The following G2E3 variants were observed in gnomAD, a reference collection of about 807,000 sequenced individuals.
G2E3 encodes the protein G2/M phase-specific E3 ubiquitin-protein ligase.
Under a neutral mutation model 92.8 loss-of-function variants are expected in G2E3, and 35 were observed. The ratio of observed to expected loss-of-function variants is 0.38; its 90% CI spans 0.29 to 0.50. The LOEUF (loss-of-function observed/expected upper bound fraction) is 0.50, where lower values mean the gene tolerates loss of function less well. G2E3 is among the 20% of genes least tolerant of loss of function. The pLI, the probability that G2E3 is intolerant of heterozygous loss-of-function variation, is 0.94. For synonymous variants in G2E3, 242 were observed against 272.4 expected, an observed-to-expected ratio of 0.89 and a Z score of 1.10; for missense variants, 554 against 823.8, an observed-to-expected ratio of 0.67 and a Z score of 4.01.
intron 1 of G2E3, among the ~76,000 whole-genome samples, chr14:30,573,348 T>C (rs1474904782): frequency 1.3e-5 from 2 of 152,180 alleles, no homozygotes; most frequent in Non-Finnish European, 2.9e-5. Flanking sequence ...ATTAACTATC[T>C]ATCCCGAGGT....
intron 10 of G2E3, 98 bp from the exon 11 acceptor site, chr14:30,605,407 T>C (rs991447867): frequency 1.7e-5 from 8 of 476,880 alleles, no homozygotes; most frequent in Non-Finnish European, 2.9e-5. Flanking sequence ...CCTATTAATC[T>C]TTTTTTCCCC....
chr14:30,597,328 ATTG>A, intron 6 of G2E3, 89 bp from the exon 7 acceptor site: 1 of 744,332 alleles, frequency 1.3e-6, no homozygotes, highest in Non-Finnish European at 2.4e-6. Flanking sequence ...TTCATAATAT[ATTG>A]TTAAAAATAG....
chr14:30,598,255 A>G, intron 7 of G2E3: 1 of 375,382 alleles, frequency 2.7e-6, no homozygotes, highest in Admixed American at 3.8e-5. Flanking sequence ...GCATGGTGGC[A>G]GGCCCCTGTA....
At chr14:30,589,777 C>T (rs2138844625) in intron 4 of G2E3, among the ~76,000 whole-genome samples, 1 of 152,156 alleles carries the variant, frequency 6.6e-6, no homozygotes, top group East Asian at 1.9e-4. Context: ...TCAATCTTCT[C>T]TGACCATCAG....
At chr14:30,586,159 C>T (rs2138834160) in intron 2 of G2E3, among the ~76,000 whole-genome samples, 1 of 152,268 alleles carries the variant, frequency 6.6e-6, no homozygotes, top group African/African-American at 2.4e-5. Flanking sequence ...CTGAGCTCAT[C>T]CCTCAGGGAG....
chr14:30,610,464 A>T (rs2138910054), intron 12 of G2E3, among the ~76,000 whole-genome samples: 1 of 152,220 alleles, frequency 6.6e-6, no homozygotes, highest in South Asian at 2.1e-4. Context: ...AAATACAAAA[A>T]AATTAGCCAG....
chr14:30,608,674 A>C (rs1881943872), intron 12 of G2E3, among the ~76,000 whole-genome samples: 2 of 152,248 alleles, frequency 1.3e-5, no homozygotes, highest in African/African-American at 4.8e-5. Flanking sequence ...CATTTATCAT[A>C]ATGCCATATA....
intron 1 of G2E3, among the ~76,000 whole-genome samples, chr14:30,563,850 G>A (rs1594457017): frequency 6.6e-6 from 1 of 151,938 alleles, no homozygotes; most frequent in African/African-American, 2.4e-5. Context: ...CTCCTGAGTA[G>A]CTGGATTACA....
intron 1 of G2E3, among the ~76,000 whole-genome samples, chr14:30,568,657 G>A (rs1435599383): frequency 1.3e-5 from 2 of 151,940 alleles, no homozygotes; most frequent in Admixed American, 6.6e-5. Context: ...AGCTTTCATA[G>A]TATACAAAAA....
intron 2 of G2E3, among the ~76,000 whole-genome samples, chr14:30,584,511 G>T (rs1880600736): frequency 6.6e-6 from 1 of 152,124 alleles, no homozygotes; most frequent in Non-Finnish European, 1.5e-5. Context: ...TGATGGTTTT[G>T]ATTTTTTCCA....
intron 8 of G2E3, among the ~76,000 whole-genome samples, chr14:30,599,344 C>A (rs1881449185): frequency 6.6e-6 from 1 of 152,204 alleles, no homozygotes; most frequent in Non-Finnish European, 1.5e-5. Context: ...TCTCCTGCCT[C>A]AGCCTCCCGA....
intron 2 of G2E3, among the ~76,000 whole-genome samples, chr14:30,584,292 T>C (rs1880590401): frequency 1.3e-5 from 2 of 152,254 alleles, no homozygotes; most frequent in African/African-American, 2.4e-5. Context: ...TGATGGACAT[T>C]TGGCTTGTTT....
chr14:30,598,693 C>G (rs1881411074), intron 8 of G2E3, 94 bp downstream of exon 8: 6 of 842,376 alleles, frequency 7.1e-6, no homozygotes, highest in African/African-American at 5.0e-5. Context: ...TAGTTTTTCT[C>G]TTAGGATGTT....
At chr14:30,584,187 CT>C in intron 2 of G2E3, among the ~76,000 whole-genome samples, 1 of 152,324 alleles carries the variant, frequency 6.6e-6, no homozygotes, top group South Asian at 2.1e-4. Flanking sequence ...TTTATTCATG[CT>C]GTAGCATGTA....
intron 1 of G2E3, among the ~76,000 whole-genome samples, chr14:30,566,290 C>A (rs77422280): frequency 6.6e-6 from 1 of 152,076 alleles, no homozygotes; most frequent in Non-Finnish European, 1.5e-5. Flanking sequence ...AAAAGGCCAT[C>A]GGGATTTTGA....
chr14:30,606,018 G>T (rs1881816152), intron 11 of G2E3, among the ~76,000 whole-genome samples: 1 of 152,032 alleles, frequency 6.6e-6, no homozygotes, highest in African/African-American at 2.4e-5. Flanking sequence ...TTTTATTTAA[G>T]AATATACATT....
At chr14:30,614,228 G>C (rs1882214887) in intron 13 of G2E3, among the ~76,000 whole-genome samples, 1 of 149,820 alleles carries the variant, frequency 6.7e-6, no homozygotes, top group African/African-American at 2.5e-5. Context: ...TCTTTTTAAT[G>C]ATAACAGATA....
At chr14:30,572,691 T>C (rs1252780781) in intron 1 of G2E3, among the ~76,000 whole-genome samples, 1 of 152,180 alleles carries the variant, frequency 6.6e-6, no homozygotes, top group Non-Finnish European at 1.5e-5. Context: ...CTTATATTTC[T>C]AAGATAAATC....
intron 5 of G2E3, among the ~76,000 whole-genome samples, chr14:30,592,899 G>A (rs1293619071): frequency 1.3e-5 from 2 of 152,056 alleles, no homozygotes; most frequent in Non-Finnish European, 2.9e-5. Context: ...TTTGCTTCCT[G>A]AGTACAACTT....
Sources: allele counts gnomAD v4.1 joint callset (sites outside exome capture counted in the v4.1 genomes callset), GRCh38; gene constraint gnomAD v4.1.1; transcripts MANE v1.5; gene names NCBI Gene and HGNC (gene_info 2026-07-23, HGNC 2026-07-21).